The following XKR4 variants were observed in gnomAD, a reference collection of about 807,000 sequenced individuals.
XKR4 encodes XK-related protein 4.
Under a neutral mutation model 53.9 loss-of-function variants are expected in XKR4, and 12 were observed. The ratio of observed to expected loss-of-function variants is 0.22; its 90% CI spans 0.14 to 0.36. The LOEUF (loss-of-function observed/expected upper bound fraction) is 0.36, where lower values mean the gene tolerates loss of function less well. XKR4 is among the 10% of genes least tolerant of loss of function. The pLI is 1.00. For synonymous variants in XKR4, 354 were observed against 362.4 expected (o/e 0.98, Z 0.26); for missense variants, 799 against 859.5 (o/e 0.93, Z 0.88).
At chr8:55,473,548 G>A (rs1441365805) in intron 2 of XKR4, among the ~76,000 whole-genome samples, 1 of 152,010 alleles carries the variant, frequency 6.6e-6, no homozygotes, top group African/African-American at 2.4e-5. Flanking sequence ...AAGGTTTTTG[G>A]CAGCCAAACA....
chr8:55,185,541 T>C (rs79485861), intron 1 of XKR4, among the ~76,000 whole-genome samples: 166 of 152,328 alleles, frequency 1.1e-3, no homozygotes, highest in Non-Finnish European at 1.9e-3. Context: ...AGCATACCTG[T>C]TAATATAATA....
intron 2 of XKR4, among the ~76,000 whole-genome samples, chr8:55,455,530 C>T (rs78500329): frequency 7.9e-5 from 12 of 152,242 alleles, no homozygotes; most frequent in East Asian, 3.9e-4. Context: ...TAGCCTTCCT[C>T]GCTAAAAGTG....
intron 2 of XKR4, among the ~76,000 whole-genome samples, chr8:55,512,410 C>G (rs1806641210): frequency 6.6e-6 from 1 of 152,202 alleles, no homozygotes; most frequent in Non-Finnish European, 1.5e-5. Flanking sequence ...CTCCTCAGCC[C>G]TGCCTCAGAC....
At chr8:55,300,142 G>A (rs1819167070) in intron 1 of XKR4, among the ~76,000 whole-genome samples, 1 of 152,166 alleles carries the variant, frequency 6.6e-6, no homozygotes, top group African/African-American at 2.4e-5. Flanking sequence ...AGGTGAAGCA[G>A]GTGGTTCAGT....
intron 1 of XKR4, among the ~76,000 whole-genome samples, chr8:55,336,495 C>A (rs905882927): frequency 3.3e-5 from 5 of 152,104 alleles, no homozygotes; most frequent in African/African-American, 1.2e-4. Context: ...AGCATTGTTC[C>A]AATGTCAATG....
At chr8:55,127,185 G>A (rs576026764) in intron 1 of XKR4, among the ~76,000 whole-genome samples, 70 of 151,244 alleles carry the variant, frequency 4.6e-4, no homozygotes, top group African/African-American at 1.6e-3. Flanking sequence ...CAAAAGAAGT[G>A]TTAAAACCTA....
intron 2 of XKR4, among the ~76,000 whole-genome samples, chr8:55,461,115 T>C (rs1306312005): frequency 6.6e-6 from 1 of 152,190 alleles, no homozygotes; most frequent in African/African-American, 2.4e-5. Flanking sequence ...CTGACTGCTT[T>C]GAAGAGAGTA....
At chr8:55,365,148 G>A (rs1217893218) in intron 2 of XKR4, among the ~76,000 whole-genome samples, 3 of 152,200 alleles carry the variant, frequency 2.0e-5, no homozygotes, top group African/African-American at 4.8e-5. Flanking sequence ...CAGGACCCCT[G>A]GGAGGACCTT....
intron 2 of XKR4, among the ~76,000 whole-genome samples, chr8:55,455,674 A>T (rs1022263893): frequency 6.6e-6 from 1 of 152,216 alleles, no homozygotes; most frequent in African/African-American, 2.4e-5. Flanking sequence ...CCACAGTAGG[A>T]TTAGATAAGA....
intron 2 of XKR4, chr8:55,454,665 T>TA: frequency 1.0e-6 from 1 of 980,314 alleles, no homozygotes; most frequent in Non-Finnish European, 1.6e-6. Context: ...GGTTCCCAAT[T>TA]ACGTTCCCTG....
chr8:55,507,518 C>A, intron 2 of XKR4, among the ~76,000 whole-genome samples: 1 of 152,162 alleles, frequency 6.6e-6, no homozygotes, highest in East Asian at 1.9e-4. Flanking sequence ...CACCCTACAA[C>A]AGGCCCCAAT....
At chr8:55,481,866 G>A (rs1269787435) in intron 2 of XKR4, among the ~76,000 whole-genome samples, 1 of 152,140 alleles carries the variant, frequency 6.6e-6, no homozygotes, top group African/African-American at 2.4e-5. Flanking sequence ...ACACCAGTTA[G>A]AATGGAAATC....
intron 1 of XKR4, among the ~76,000 whole-genome samples, chr8:55,147,674 A>G (rs1423172604): frequency 6.6e-6 from 1 of 152,060 alleles, no homozygotes; most frequent in East Asian, 1.9e-4. Flanking sequence ...ACTGGCATCG[A>G]GATTTGGGGA....
intron 1 of XKR4, among the ~76,000 whole-genome samples, chr8:55,349,596 G>A (rs78179864): frequency 1.8e-3 from 280 of 152,198 alleles, no homozygotes; most frequent in African/African-American, 6.4e-3. Flanking sequence ...GAGGATCAGC[G>A]CCTGAAAAAT....
intron 2 of XKR4, among the ~76,000 whole-genome samples, chr8:55,469,260 C>T (rs1340498820): frequency 6.6e-6 from 1 of 152,122 alleles, no homozygotes; most frequent in Non-Finnish European, 1.5e-5. Context: ...GCCAGGTTGA[C>T]ATTCCTATGG....
intron 2 of XKR4, among the ~76,000 whole-genome samples, chr8:55,385,667 G>A (rs897472799): frequency 2.0e-5 from 3 of 152,186 alleles, no homozygotes; most frequent in African/African-American, 7.2e-5. Context: ...TGAAATATCG[G>A]TCATTAGAGA....
chr8:55,331,565 T>C (rs1181630511), intron 1 of XKR4, among the ~76,000 whole-genome samples: 2 of 152,206 alleles, frequency 1.3e-5, no homozygotes, highest in Non-Finnish European at 2.9e-5. Flanking sequence ...CCAACTATTA[T>C]TGTAGGAATG....
chr8:55,266,657 G>T (rs1473317308), intron 1 of XKR4, among the ~76,000 whole-genome samples: 4 of 152,056 alleles, frequency 2.6e-5, no homozygotes, highest in African/African-American at 9.7e-5. Flanking sequence ...AAAATGAGAG[G>T]TTTTGTGATT....
intron 1 of XKR4, among the ~76,000 whole-genome samples, chr8:55,158,350 A>G (rs1816937503): frequency 6.6e-6 from 1 of 151,934 alleles, no homozygotes; most frequent in African/African-American, 2.4e-5. Context: ...TAATGAGGTT[A>G]TTTTTTGCTT....
Sources: allele counts gnomAD v4.1 joint callset (sites outside exome capture counted in the v4.1 genomes callset), GRCh38; gene constraint gnomAD v4.1.1; transcripts MANE v1.5; gene names NCBI Gene and HGNC (gene_info 2026-07-23, HGNC 2026-07-21).